Variants in NCAM2 observed in about 807,000 individuals in gnomAD.
NCAM2 encodes the protein neural cell adhesion molecule 2.
A neutral mutation model predicts 98.1 loss-of-function variants in NCAM2; 30 were observed. The ratio of observed to expected loss-of-function variants is 0.31; its 90% CI spans 0.23 to 0.41. The LOEUF is 0.41. NCAM2 is among the 10% of genes least tolerant of loss of function. The probability of loss-of-function intolerance (pLI) is 1.00; values close to 1 mark genes in which losing one functional copy is unlikely to be tolerated. For synonymous variants in NCAM2, 368 were observed against 342.4 expected (o/e 1.07, Z -0.83); for missense variants, 867 against 1,005.8 (o/e 0.86, Z 1.87).
At chr21:21,059,840 C>G (rs761678631) in intron 1 of NCAM2, among the ~76,000 whole-genome samples, 8 of 152,032 alleles carry the variant, frequency 5.3e-5, no homozygotes, top group Admixed American at 4.6e-4. Context: ...GCTAAATATG[C>G]TACAGGGAAA....
At chr21:21,354,362 C>T (rs902745768) in intron 8 of NCAM2, among the ~76,000 whole-genome samples, 4 of 152,154 alleles carry the variant, frequency 2.6e-5, no homozygotes, top group African/African-American at 9.7e-5. Flanking sequence ...TTTCTGTATT[C>T]ATGTGCTGCC....
At chr21:21,421,432 T>TA (rs5842923) in intron 11 of NCAM2, among the ~76,000 whole-genome samples, 152,169 of 152,170 alleles carry the variant, frequency 1, 76,084 homozygotes, top group Non-Finnish European at 1. Flanking sequence ...CCAAATTTTA[T>TA]CAATTCCAGG....
intron 1 of NCAM2, among the ~76,000 whole-genome samples, chr21:21,230,591 C>T (rs1255283503): frequency 6.6e-6 from 1 of 151,222 alleles, no homozygotes; most frequent in Admixed American, 6.6e-5. Flanking sequence ...CATCTCATCA[C>T]GATGAAAAAT....
intron 1 of NCAM2, among the ~76,000 whole-genome samples, chr21:21,058,752 A>G (rs890061742): frequency 2.6e-5 from 4 of 151,682 alleles, no homozygotes; most frequent in Non-Finnish European, 2.9e-5. Context: ...ATACATTTCC[A>G]TATGGAAAAA....
intron 1 of NCAM2, among the ~76,000 whole-genome samples, chr21:21,198,259 T>A (rs1262678774): frequency 1.3e-5 from 2 of 151,632 alleles, no homozygotes; most frequent in Non-Finnish European, 1.5e-5. Flanking sequence ...CTTTCTAAAT[T>A]TTTAATATAG....
At position 21,308,728 on chromosome 21, in the gene NCAM2, C is replaced by A. The variant is rs147650073; in HGVS notation, c.620-15655C>A. Among the ~76,000 whole-genome samples, 1,060 of 152,178 alleles carry A rather than the reference C, an allele frequency of 7.0e-3. 6 individuals carry two copies. Among genetic ancestry groups the A allele is most frequent in the Non-Finnish European group, 0.01 (714 of 68,008 alleles). ...CTCTGTCCCACATTCCTTTGGGACT[C>A]CAATTTCACATATATAGGCTACTTG... On this transcript the variant is annotated intron_variant, in intron 5 of 17. Coordinates refer to ENST00000400546, the MANE Select transcript of NCAM2 (RefSeq NM_004540.5).
At chr21:21,058,763 CGAA>C (rs1568977583) in intron 1 of NCAM2, among the ~76,000 whole-genome samples, 1 of 150,988 alleles carries the variant, frequency 6.6e-6, no homozygotes, top group Non-Finnish European at 1.5e-5. Context: ...TATGGAAAAA[CGAA>C]GAAAAAGAAG....
intron 16 of NCAM2, among the ~76,000 whole-genome samples, chr21:21,517,265 A>G (rs533589804): frequency 1.3e-5 from 2 of 152,250 alleles, no homozygotes; most frequent in South Asian, 4.1e-4. Flanking sequence ...TCCATTTGTC[A>G]TATTCTTATA....
chr21:21,257,474 C>G (rs7283970), intron 1 of NCAM2, among the ~76,000 whole-genome samples: 150,927 of 152,358 alleles, frequency 0.99, 74,772 homozygotes, highest in Non-Finnish European at 1. Context: ...AGTAAGAACC[C>G]AAACAATTTA....
At chr21:21,393,403 G>A (rs557818378) in intron 9 of NCAM2, among the ~76,000 whole-genome samples, 5 of 152,124 alleles carry the variant, frequency 3.3e-5, no homozygotes, top group African/African-American at 1.2e-4. Context: ...TAATTTCTAT[G>A]ATGCAAATAC....
At position 21,378,974 on chromosome 21, in the gene NCAM2, G is replaced by GA. The variant is rs531389193; in HGVS notation, c.1195+4967dup. On this transcript the variant is annotated intron_variant, in intron 9 of 17. Transcript: ENST00000400546. ...ATGTTATACGGTTCGTGTTTTTTCT[G>GA]AAAAAATATTACCTAATTTAAGGCC... is the stretch of plus-strand genomic sequence containing the variant. Among the ~76,000 whole-genome samples, 531 of 151,952 alleles carry GA rather than the reference G, an allele frequency of 3.5e-3. 1 individual carries two copies. Among genetic ancestry groups the GA allele is most frequent in the Middle Eastern group, 6.8e-3 (2 of 294 alleles).
intron 16 of NCAM2, among the ~76,000 whole-genome samples, chr21:21,512,229 T>G (rs1160827728): frequency 1.3e-5 from 2 of 152,050 alleles, no homozygotes; most frequent in African/African-American, 4.8e-5. Flanking sequence ...AGATTTGGTC[T>G]TCGATTTAAG....
chr21:21,376,995 A>G (rs1036283492), intron 9 of NCAM2, among the ~76,000 whole-genome samples: 1 of 151,756 alleles, frequency 6.6e-6, no homozygotes, highest in Non-Finnish European at 1.5e-5. Context: ...ACTTTCATGT[A>G]AATATAACTA....
intron 10 of NCAM2, among the ~76,000 whole-genome samples, chr21:21,417,870 G>A (rs1017548737): frequency 3.3e-5 from 5 of 151,990 alleles, no homozygotes; most frequent in African/African-American, 1.2e-4. Context: ...TTATTGCACA[G>A]TATGTTCCTG....
chr21:21,324,320 CT>C, intron 5 of NCAM2, 62 bp from the exon 6 acceptor site: 1 of 1,179,518 alleles, frequency 8.5e-7, no homozygotes, highest in Non-Finnish European at 1.2e-6. Flanking sequence ...AGCAAAAATT[CT>C]CTAAATGATG....
intron 1 of NCAM2, among the ~76,000 whole-genome samples, chr21:21,049,482 G>C (rs536327815): frequency 6.4e-3 from 1 of 156 alleles, no homozygotes; most frequent in African/African-American, 0.021. Context: ...AATAAAAAGA[G>C]CATGAAAAAT....
chr21:21,400,414 A>C (rs2076603019), intron 9 of NCAM2, among the ~76,000 whole-genome samples: 1 of 152,234 alleles, frequency 6.6e-6, no homozygotes, highest in East Asian at 1.9e-4. Flanking sequence ...TCTTGTTTGC[A>C]GTATTCCTTT....
intron 9 of NCAM2, among the ~76,000 whole-genome samples, chr21:21,380,824 G>A (rs2076138000): frequency 6.6e-6 from 1 of 152,164 alleles, no homozygotes; most frequent in African/African-American, 2.4e-5. Context: ...GAAGGTAAAG[G>A]TGTCAGTATC....
In NCAM2 at chr21:21,466,614, G is replaced by A. The variant is rs759393821; in HGVS notation, c.1663G>A (p.Val555Ile). ...TTTTGTTTTTCTTCTAGCAATGGTT[G>A]TTTTGAACAACCTGGAACCAAATAC... is the stretch of plus-strand genomic sequence containing the variant. ...VRSHGVQTMV[V>I]LNNLEPNTTY... The change falls in exon 13 of 18, where the codon GTT becomes ATT. Residue 555 changes from valine (V) to isoleucine (I), a missense_variant. This residue lies in a region of NCAM2 where 234 missense variants were observed against 333.8 expected (regional missense o/e 0.70). Transcript: ENST00000400546. 4.1e-5 allele frequency: 66 copies of A among 1,591,988 alleles called. No individual in the cohort carries two copies. Among genetic ancestry groups the A allele is most frequent in the Non-Finnish European group, 5.3e-5 (62 of 1,168,064 alleles).
Sources: allele counts gnomAD v4.1 joint callset (sites outside exome capture counted in the v4.1 genomes callset), GRCh38; gene constraint gnomAD v4.1.1; regional missense constraint gnomAD v4.1.1; transcripts MANE v1.5; gene names NCBI Gene and HGNC (gene_info 2026-07-23, HGNC 2026-07-21).